The following LGSN variants were observed in gnomAD, a reference collection of about 807,000 sequenced individuals.
LGSN encodes lengsin.
LGSN carries 21 observed loss-of-function variants against 19.5 expected under a neutral mutation model. The ratio of observed to expected loss-of-function variants is 1.07; its 90% CI spans 0.76 to 1.55. LGSN has a LOEUF of 1.55. Ranked by LOEUF, LGSN falls within the 40% of genes most tolerant of loss-of-function variation. The pLI, the probability that LGSN is intolerant of heterozygous loss-of-function variation, is 0.00. For synonymous variants in LGSN, 257 were observed against 215.6 expected (o/e 1.19, Z -1.68); for missense variants, 673 against 608.5 (o/e 1.11, Z -1.12).
chr6:63,434,907 AAG>A, the LGSN span, among the ~76,000 whole-genome samples: 1 of 152,324 alleles, frequency 6.6e-6, no homozygotes, highest in African/African-American at 2.4e-5. Context: ...TCTGGGTTAA[AAG>A]AGTTCCATAG....
At chr6:63,346,305 C>A in the LGSN span, among the ~76,000 whole-genome samples, 2 of 151,880 alleles carry the variant, frequency 1.3e-5, no homozygotes, top group African/African-American at 4.8e-5. Context: ...GCCCACCCCA[C>A]CATCGTCCTG....
the LGSN span, among the ~76,000 whole-genome samples, chr6:63,464,135 C>T: frequency 7.6e-6 from 1 of 132,256 alleles, no homozygotes; most frequent in Non-Finnish European, 1.7e-5. Flanking sequence ...ATTTTTGAAA[C>T]TTTCCCTAAT....
At chr6:63,399,391 C>T in the LGSN span, among the ~76,000 whole-genome samples, 2 of 146,850 alleles carry the variant, frequency 1.4e-5, no homozygotes, top group Non-Finnish European at 3.0e-5. Flanking sequence ...CACAACAGTA[C>T]TAATTTTTTT....
At chr6:63,485,273 G>A in the LGSN span, among the ~76,000 whole-genome samples, 3 of 152,068 alleles carry the variant, frequency 2.0e-5, no homozygotes, top group African/African-American at 2.4e-5. Context: ...ACTTACAAGT[G>A]AGAACATGTG....
the LGSN span, among the ~76,000 whole-genome samples, chr6:63,361,890 G>A: frequency 6.6e-6 from 1 of 152,174 alleles, no homozygotes; most frequent in Non-Finnish European, 1.5e-5. Context: ...TTGATTACCT[G>A]TCAACTTCAA....
chr6:63,353,539 C>T, the LGSN span, among the ~76,000 whole-genome samples: 2 of 136,556 alleles, frequency 1.5e-5, no homozygotes, highest in African/African-American at 5.4e-5. Flanking sequence ...TTTCCTACTT[C>T]ATTAATACCT....
At chr6:63,510,527 T>C in the LGSN span, among the ~76,000 whole-genome samples, 4 of 151,410 alleles carry the variant, frequency 2.6e-5, no homozygotes, top group African/African-American at 4.9e-5. Flanking sequence ...TAGATTTTTT[T>C]CCCCTTATTC....
At chr6:63,550,311 C>T in the LGSN span, 1 of 152,060 alleles carries the variant, frequency 6.6e-6, no homozygotes, top group Admixed American at 6.6e-5. Flanking sequence ...GCAGTGTGCC[C>T]GCCCTCTCTT....
the LGSN span, among the ~76,000 whole-genome samples, chr6:63,413,802 A>G: frequency 9.8e-5 from 15 of 152,320 alleles, no homozygotes; most frequent in African/African-American, 3.6e-4. Flanking sequence ...CCTTAATAGG[A>G]TAAGATAGTA....
At chr6:63,357,224 C>G in the LGSN span, among the ~76,000 whole-genome samples, 2 of 152,046 alleles carry the variant, frequency 1.3e-5, no homozygotes, top group African/African-American at 2.4e-5. Flanking sequence ...TCTTAATCCA[C>G]TCTATCATTG....
chr6:63,421,863 G>A, the LGSN span, among the ~76,000 whole-genome samples: 1 of 152,174 alleles, frequency 6.6e-6, no homozygotes, highest in African/African-American at 2.4e-5. Context: ...CACAGTTCTG[G>A]AGGGAAAGAA....
At chr6:63,316,427 C>G (rs914553623) in intron 1 of LGSN, among the ~76,000 whole-genome samples, 1 of 152,010 alleles carries the variant, frequency 6.6e-6, no homozygotes, top group Non-Finnish European at 1.5e-5. Flanking sequence ...AGAAGTTCTA[C>G]ACAAGAAAAA....
At chr6:63,525,209 G>A in the LGSN span, among the ~76,000 whole-genome samples, 2 of 152,264 alleles carry the variant, frequency 1.3e-5, no homozygotes, top group South Asian at 4.1e-4. Context: ...AGTTATCCTG[G>A]TGAATTGTGT....
At chr6:63,485,454 A>G in the LGSN span, among the ~76,000 whole-genome samples, 1 of 152,122 alleles carries the variant, frequency 6.6e-6, no homozygotes, top group Non-Finnish European at 1.5e-5. Context: ...ATTTAGATTG[A>G]TTTCATGTCT....
the LGSN span, among the ~76,000 whole-genome samples, chr6:63,364,692 C>A: frequency 6.6e-6 from 1 of 151,648 alleles, no homozygotes; most frequent in Non-Finnish European, 1.5e-5. Flanking sequence ...GGAAGTAAAG[C>A]ACTCCTCAGC....
chr6:63,336,785 C>T, the LGSN span, among the ~76,000 whole-genome samples: 5 of 151,640 alleles, frequency 3.3e-5, no homozygotes, highest in Admixed American at 1.3e-4. Flanking sequence ...TGCATTACCA[C>T]GCCCTGCTAA....
At chr6:63,443,528 T>A in the LGSN span, 3 of 692,830 alleles carry the variant, frequency 4.3e-6, no homozygotes, top group Non-Finnish European at 5.7e-6. Context: ...TCTGTGACAA[T>A]GTGGTCCAGG....
At chr6:63,526,677 G>A in the LGSN span, among the ~76,000 whole-genome samples, 6 of 151,192 alleles carry the variant, frequency 4.0e-5, no homozygotes, top group East Asian at 2.0e-4. Context: ...ACGTGGTGGC[G>A]TGTGCCTGTA....
At chr6:63,521,890 T>C in the LGSN span, 2 of 152,344 alleles carry the variant, frequency 1.3e-5, no homozygotes, top group African/African-American at 2.4e-5. Context: ...GTTAGAACAA[T>C]GGGAATCTTA....
Sources: gnomAD v4.1 joint callset for allele counts (sites outside exome capture counted in the v4.1 genomes callset) on GRCh38, gnomAD v4.1.1 for gene constraint, MANE v1.5 for transcripts, NCBI Gene and HGNC (gene_info 2026-07-23, HGNC 2026-07-21) for gene names.